RABGAP1: variants seen among roughly 807,000 people sequenced by gnomAD.
RABGAP1 encodes rab GTPase-activating protein 1.
A neutral mutation model predicts 137.6 loss-of-function variants in RABGAP1; 23 were observed. The observed-to-expected ratio is 0.17, with a 90% CI of 0.12 to 0.24. The LOEUF (loss-of-function observed/expected upper bound fraction) is 0.24. Ranked by LOEUF, RABGAP1 falls within the 10% of genes least tolerant of loss-of-function variation. The probability of loss-of-function intolerance (pLI) is 1.00; values close to 1 mark genes in which losing one functional copy is unlikely to be tolerated. For missense variants in RABGAP1, 906 were observed against 1,275.8 expected (o/e 0.71, Z 4.42); for synonymous variants, 451 against 450.7 (o/e 1.00, Z -0.01).
chr9:123,061,268 A>G (rs2033960170), intron 13 of RABGAP1, among the ~76,000 whole-genome samples: 1 of 152,126 alleles, frequency 6.6e-6, no homozygotes, highest in Non-Finnish European at 1.5e-5. Flanking sequence ...GGTGTATGCC[A>G]GCACGCCCGG....
rs2034312718 is a variant in RABGAP1 at position 123,070,294 on chromosome 9, A to G, written c.1909-56A>G. 9 of 1,610,556 alleles carry G rather than the reference A, an allele frequency of 5.6e-6. No individual in the cohort carries two copies. The highest frequency in any genetic ancestry group is 4.5e-5 in the East Asian group (2 of 44,844). ...GTATTCAAGGTCCTATAGTGCCACCATGGCCCACAAGTGGCTACATTCATT... is the reference window on the plus strand; with the variant it reads ...GTATTCAAGGTCCTATAGTGCCACCGTGGCCCACAAGTGGCTACATTCATT... On this transcript the variant is annotated intron_variant, in intron 14 of 25. Transcript: ENST00000373647. The surrounding 1 kb of genome is among the most constrained non-coding windows in gnomAD (Gnocchi z 4.4).
chr9:123,095,570 C>T (rs2035157666), intron 21 of RABGAP1, among the ~76,000 whole-genome samples: 1 of 152,100 alleles, frequency 6.6e-6, no homozygotes, highest in Non-Finnish European at 1.5e-5. Context: ...AGCATAGTGA[C>T]ACATGCCTGT....
chr9:123,084,502 G>A (rs2034809182), intron 19 of RABGAP1, among the ~76,000 whole-genome samples: 1 of 152,156 alleles, frequency 6.6e-6, no homozygotes, highest in Admixed American at 6.5e-5. Flanking sequence ...GATTCCCTAT[G>A]ACTCCAGCTC....
rs746335284 is a variant in RABGAP1, at chr9:122,989,490, ACT to A, written c.765+24_765+25del. On this transcript the variant is annotated intron_variant, in intron 5 of 25. Coordinates refer to ENST00000373647, the MANE Select transcript of RABGAP1 (RefSeq NM_012197.4). ...AGAAGCTGTAAGTCCTCAAGAGAAA[ACT>A]CTCTGCAAATGAAACTTCACCAGTG... 7.4e-6 allele frequency: 12 copies of A among 1,611,346 alleles called. No individual in the cohort carries two copies. The highest frequency in any genetic ancestry group is 2.2e-5 in the East Asian group (1 of 44,834).
rs143319373 is a variant in RABGAP1 at position 122,997,278 on chromosome 9, C to T, written c.1121C>T (p.Ser374Leu). Residue 374 changes from serine (S) to leucine (L), a missense_variant, in exon 9 of 26, where the codon TCA (serine) becomes TTA (leucine). Around this residue, in one of 9 missense-constraint regions of RABGAP1, gnomAD observed 212 missense variants for 289.4 expected, o/e 0.73. Coordinates refer to ENST00000373647, the MANE Select transcript of RABGAP1 (RefSeq NM_012197.4). ...TTCTAGGAATCTATGGGCAAAAGTT[C>T]AGATGGAAAGTCGTATGTTATTACG... is the stretch of plus-strand genomic sequence containing the variant. Reference protein sequence around the residue: ...LLDLESMGKSSDGKSYVITGS... With the variant: ...LLDLESMGKSLDGKSYVITGS... The T allele has an allele frequency of 7.4e-5, 118 of 1,604,944 alleles. No individual in the cohort carries two copies. Among genetic ancestry groups the T allele is most frequent in the Non-Finnish European group, 9.6e-5 (113 of 1,177,216 alleles).
intron 6 of RABGAP1, 106 bp downstream of exon 6, chr9:122,990,319 G>T: frequency 9.9e-7 from 1 of 1,007,904 alleles, no homozygotes; most frequent in Non-Finnish European, 1.3e-6. Context: ...TAAAGGGAGG[G>T]CTTTTAAAAA....
At chr9:122,968,559 A>C (rs1292824278) in intron 2 of RABGAP1, among the ~76,000 whole-genome samples, 1 of 151,932 alleles carries the variant, frequency 6.6e-6, no homozygotes, top group Non-Finnish European at 1.5e-5. Flanking sequence ...TGTTCAATTA[A>C]ATCATTTTTT....
At chr9:122,989,874 C>A in intron 5 of RABGAP1, 182 bp from the exon 6 acceptor site, 3 of 619,032 alleles carry the variant, frequency 4.8e-6, no homozygotes, top group Non-Finnish European at 7.9e-6. Flanking sequence ...TTTTTTAAAA[C>A]CCCTTGTCTG....
At chr9:123,019,852 G>A (rs1453179992) in intron 12 of RABGAP1, among the ~76,000 whole-genome samples, 1 of 152,014 alleles carries the variant, frequency 6.6e-6, no homozygotes, top group Admixed American at 6.6e-5. Flanking sequence ...ACCATGATGG[G>A]CTAATTTTTT....
chr9:123,067,340 A>C (rs1043793864), intron 14 of RABGAP1, among the ~76,000 whole-genome samples: 14 of 152,190 alleles, frequency 9.2e-5, no homozygotes, highest in Non-Finnish European at 2.1e-4. Flanking sequence ...GCAGTTTTAC[A>C]AAAGCTGCTC....
intron 10 of RABGAP1, among the ~76,000 whole-genome samples, chr9:122,999,462 A>G (rs931596379): frequency 6.6e-6 from 1 of 151,872 alleles, no homozygotes; most frequent in Admixed American, 6.6e-5. Context: ...AAGTCCTGGG[A>G]TTACAGACGT....
chr9:123,016,191 C>T (rs1235286159), intron 12 of RABGAP1, among the ~76,000 whole-genome samples: 1 of 152,168 alleles, frequency 6.6e-6, no homozygotes, highest in Non-Finnish European at 1.5e-5. Flanking sequence ...AAGCACTATC[C>T]TATAGGCTAT....
chr9:123,006,388 G>A (rs529495608), intron 10 of RABGAP1, among the ~76,000 whole-genome samples: 9 of 152,180 alleles, frequency 5.9e-5, no homozygotes, highest in East Asian at 3.9e-4. Flanking sequence ...GGTATATAGC[G>A]TAAAGTGTGG....
intron 13 of RABGAP1, among the ~76,000 whole-genome samples, chr9:123,026,350 G>T (rs1032254118): frequency 3.9e-5 from 6 of 152,210 alleles, no homozygotes; most frequent in African/African-American, 1.4e-4. Flanking sequence ...AATTTAAGTG[G>T]TTTCCTTCTA....
At chr9:122,942,542 C>T (rs1003294565) in intron 1 of RABGAP1, among the ~76,000 whole-genome samples, 3 of 151,616 alleles carry the variant, frequency 2.0e-5, no homozygotes, top group Non-Finnish European at 2.9e-5. Flanking sequence ...TAGTGGCAGG[C>T]GCCTGTAGTC....
intron 19 of RABGAP1, among the ~76,000 whole-genome samples, chr9:123,087,992 T>A (rs1109697): frequency 6.6e-6 from 1 of 152,116 alleles, no homozygotes; most frequent in Non-Finnish European, 1.5e-5. Flanking sequence ...GTCAGCACTT[T>A]AGTGCTGATT....
At chr9:122,954,294 C>T (rs1338528164) in intron 1 of RABGAP1, among the ~76,000 whole-genome samples, 2 of 152,152 alleles carry the variant, frequency 1.3e-5, no homozygotes, top group Admixed American at 1.3e-4. Flanking sequence ...GGACTACTCC[C>T]TCTTCACTTC....
In RABGAP1 at chr9:123,103,774, G is replaced by GT. The variant is rs1265962519; in HGVS notation, c.*563dup. 6.6e-6 allele frequency: 1 copy of GT among 150,506 alleles called. No individual in the cohort carries two copies. The highest frequency in any genetic ancestry group is 1.5e-5 in the Non-Finnish European group (1 of 67,608). The allele number at this position is 150,506 out of a possible 1,614,324, so 9.3% of individuals were successfully genotyped here. On this transcript the variant is annotated 3_prime_UTR_variant, in exon 26 of 26. Coordinates refer to ENST00000373647, the MANE Select transcript of RABGAP1 (RefSeq NM_012197.4). ...TCATAGTTGCATCTGAAGCCACCTG[G>GT]TTCTGTTAAACTGTATGGTGCAGGT...
rs2033194800 is a variant in RABGAP1, at chr9:123,046,110, T to G, written c.1795-19238T>G. Among the ~76,000 whole-genome samples the G allele has an allele frequency of 1.3e-5, 2 of 152,212 alleles. 1 individual carries two copies. Among genetic ancestry groups the G allele is most frequent in the South Asian group, 4.1e-4 (2 of 4,826 alleles). Reference sequence around the variant, plus strand: ...TAGTTAGCTCCAGTTCTTCAACTGATGTTTTATGTATTTTGTCCTGCTTTT... The same window carrying G: ...TAGTTAGCTCCAGTTCTTCAACTGAGGTTTTATGTATTTTGTCCTGCTTTT... On this transcript the variant is annotated intron_variant, in intron 13 of 25. Transcript: ENST00000373647.
Sources: allele counts gnomAD v4.1 joint callset (sites outside exome capture counted in the v4.1 genomes callset), GRCh38; gene constraint gnomAD v4.1.1; regional missense constraint gnomAD v4.1.1; non-coding constraint Gnocchi (gnomAD v3.1); transcripts MANE v1.5; gene names NCBI Gene and HGNC (gene_info 2026-07-23, HGNC 2026-07-21).